Variants in CDC42SE2 observed in about 807,000 individuals in gnomAD.
CDC42SE2 encodes CDC42 small effector protein 2.
CDC42SE2 carries 3 observed loss-of-function variants against 11.5 expected under a neutral mutation model. The observed-to-expected ratio is 0.26, with a 90% CI of 0.12 to 0.67. The LOEUF (loss-of-function observed/expected upper bound fraction) is 0.67, where lower values mean the gene tolerates loss of function less well. Among genes scored for constraint, CDC42SE2 ranks in the 30% least tolerant of loss-of-function variants. CDC42SE2 has a pLI of 0.80. For missense variants in CDC42SE2, 82 were observed against 106.8 expected (o/e 0.77, Z 1.02); for synonymous variants, 33 against 34.8 (o/e 0.95, Z 0.18).
the CDC42SE2 span, among the ~76,000 whole-genome samples, chr5:131,212,648 G>T: frequency 6.6e-6 from 1 of 152,150 alleles, no homozygotes; most frequent in East Asian, 1.9e-4. Flanking sequence ...GACTACATCA[G>T]TGTCAGTGTA....
At chr5:131,253,808 C>T (rs1001179532) in intron 1 of CDC42SE2, among the ~76,000 whole-genome samples, 11 of 152,136 alleles carry the variant, frequency 7.2e-5, no homozygotes, top group Non-Finnish European at 1.6e-4. Context: ...ACAAAGGATA[C>T]TTTTCTAGGA....
chr5:131,314,639 AT>A (rs771194008), intron 1 of CDC42SE2, among the ~76,000 whole-genome samples: 3 of 152,118 alleles, frequency 2.0e-5, no homozygotes, highest in Non-Finnish European at 4.4e-5. Flanking sequence ...TCCTAGACTT[AT>A]TTATTCTATT....
chr5:131,273,882 A>G (rs1458070344), intron 1 of CDC42SE2, among the ~76,000 whole-genome samples: 1 of 151,660 alleles, frequency 6.6e-6, no homozygotes, highest in Non-Finnish European at 1.5e-5. Context: ...GGCTCAGGTG[A>G]TCCTCCTACC....
intron 1 of CDC42SE2, among the ~76,000 whole-genome samples, chr5:131,289,132 A>G (rs1001015189): frequency 3.3e-5 from 5 of 152,164 alleles, no homozygotes; most frequent in Non-Finnish European, 5.9e-5. Context: ...TGTCTGTTGT[A>G]TATGTTTTTA....
At chr5:131,336,102 G>A (rs1758553749) in intron 2 of CDC42SE2, among the ~76,000 whole-genome samples, 1 of 152,196 alleles carries the variant, frequency 6.6e-6, no homozygotes, top group Admixed American at 6.5e-5. Flanking sequence ...TGCAGTGGCT[G>A]GTACCAGTTG....
intron 1 of CDC42SE2, among the ~76,000 whole-genome samples, chr5:131,284,206 C>G (rs959014936): frequency 2.6e-5 from 4 of 152,028 alleles, no homozygotes; most frequent in African/African-American, 9.7e-5. Flanking sequence ...GAATAATGTC[C>G]CATTGCATGG....
chr5:131,288,507 T>A (rs1453061969), intron 1 of CDC42SE2, among the ~76,000 whole-genome samples: 1 of 152,142 alleles, frequency 6.6e-6, no homozygotes, highest in Non-Finnish European at 1.5e-5. Flanking sequence ...TCGATTCCTT[T>A]TTTTTTAGAG....
At chr5:131,292,918 A>AAC (rs1757490852) in intron 1 of CDC42SE2, among the ~76,000 whole-genome samples, 1 of 148,706 alleles carries the variant, frequency 6.7e-6, no homozygotes, top group African/African-American at 2.5e-5. Flanking sequence ...AAAAAAAAAA[A>AAC]AAAAAAAAAA....
chr5:131,275,562 G>T (rs1223455386), intron 1 of CDC42SE2, among the ~76,000 whole-genome samples: 3 of 152,094 alleles, frequency 2.0e-5, no homozygotes, highest in African/African-American at 7.2e-5. Context: ...CCAAAGTGCT[G>T]GGATTACAGG....
chr5:131,231,777 C>CT, the CDC42SE2 span, among the ~76,000 whole-genome samples: 52 of 151,812 alleles, frequency 3.4e-4, no homozygotes, highest in Admixed American at 5.9e-4. Flanking sequence ...AATTGTTATA[C>CT]TTTTTTTTCT....
intron 3 of CDC42SE2, among the ~76,000 whole-genome samples, chr5:131,369,458 A>G (rs567936094): frequency 4.6e-5 from 7 of 152,196 alleles, no homozygotes; most frequent in African/African-American, 1.7e-4. Flanking sequence ...TACTGGGTCT[A>G]ACAGCTGAGG....
the CDC42SE2 span, among the ~76,000 whole-genome samples, chr5:131,234,648 GA>G: frequency 6.9e-6 from 1 of 145,598 alleles, no homozygotes; most frequent in Admixed American, 6.8e-5. Flanking sequence ...AAAAAAAAAA[GA>G]AAAAAAAAGA....
chr5:131,362,997 T>C (rs907963198), intron 3 of CDC42SE2, among the ~76,000 whole-genome samples: 10 of 151,802 alleles, frequency 6.6e-5, no homozygotes, highest in Admixed American at 6.6e-4. Context: ...AAAAAAAAAT[T>C]AGCCGGTGTG....
intron 1 of CDC42SE2, among the ~76,000 whole-genome samples, chr5:131,292,093 G>T (rs1757467672): frequency 6.6e-6 from 1 of 151,578 alleles, no homozygotes; most frequent in Non-Finnish European, 1.5e-5. Context: ...TAAAAAATTA[G>T]CTAGGCATGG....
chr5:131,283,093 AAT>A (rs1757271774), intron 1 of CDC42SE2, among the ~76,000 whole-genome samples: 1 of 151,194 alleles, frequency 6.6e-6, no homozygotes, highest in African/African-American at 2.4e-5. Context: ...ATGCCTGGCT[AAT>A]TTTGTATTTT....
intron 2 of CDC42SE2, among the ~76,000 whole-genome samples, chr5:131,346,063 G>C (rs924772131): frequency 2.0e-5 from 3 of 152,146 alleles, no homozygotes; most frequent in African/African-American, 7.2e-5. Context: ...AAATTATAAA[G>C]ACTATCAATG....
intron 1 of CDC42SE2, among the ~76,000 whole-genome samples, chr5:131,285,863 T>G (rs889294712): frequency 1.3e-5 from 2 of 152,090 alleles, no homozygotes; most frequent in Admixed American, 1.3e-4. Flanking sequence ...ATCTGGTGAG[T>G]AGAGTTAGGC....
chr5:131,216,523 C>CAAAAAAAAAAAA, the CDC42SE2 span, among the ~76,000 whole-genome samples: 1 of 107,598 alleles, frequency 9.3e-6, no homozygotes, highest in African/African-American at 5.0e-5. Flanking sequence ...AAAAAAAAAA[C>CAAAAAAAAAAAA]ATTATAGACT....
At chr5:131,346,332 A>G (rs1383558830) in intron 2 of CDC42SE2, among the ~76,000 whole-genome samples, 1 of 152,230 alleles carries the variant, frequency 6.6e-6, no homozygotes, top group Non-Finnish European at 1.5e-5. Flanking sequence ...TGGAAAACAA[A>G]AAAAAGGAGG....
Sources: gnomAD v4.1 joint callset for allele counts (sites outside exome capture counted in the v4.1 genomes callset) on GRCh38, gnomAD v4.1.1 for gene constraint, MANE v1.5 for transcripts, NCBI Gene and HGNC (gene_info 2026-07-23, HGNC 2026-07-21) for gene names.